Variants in LHCGR observed in about 807,000 individuals in gnomAD.
The protein encoded by LHCGR is luteinizing hormone/choriogonadotropin receptor, also known as lutropin-choriogonadotropic hormone receptor.
LHCGR carries 55 observed loss-of-function variants against 60.7 expected under a neutral mutation model. That is an observed-to-expected ratio of 0.91 (90% CI 0.73 to 1.13). The LOEUF (loss-of-function observed/expected upper bound fraction) is 1.13. Ranked by LOEUF, LHCGR falls within the 50% of genes most tolerant of loss-of-function variation. The pLI is 0.00. For missense variants in LHCGR, 862 were observed against 836.0 expected (o/e 1.03, Z -0.38); for synonymous variants, 337 against 316.5 (o/e 1.06, Z -0.69).
At chr2:48,753,893 T>C (rs1670091836) in intron 1 of LHCGR, among the ~76,000 whole-genome samples, 1 of 152,114 alleles carries the variant, frequency 6.6e-6, no homozygotes, top group South Asian at 2.1e-4. Context: ...AATTAATAGA[T>C]AAAATCCTGA....
chr2:48,717,833 C>CTTTTTTTT (rs10711529), intron 6 of LHCGR, among the ~76,000 whole-genome samples: 3 of 68,990 alleles, frequency 4.3e-5, no homozygotes, highest in Admixed American at 1.8e-4. Context: ...TTTTCCATGT[C>CTTTTTTTT]TTTTTTTTTT....
Position 48,687,620 on chromosome 2 carries a change from T to G in LHCGR, c.*77A>C. 2 of 1,208,608 alleles carry G rather than the reference T, an allele frequency of 1.7e-6. No individual in the cohort carries two copies. The highest frequency in any genetic ancestry group is 4.7e-5 in the East Asian group (2 of 42,914). 74.9% of individuals were successfully genotyped at this position (1,208,608 alleles called of 1,614,324 possible). A position where few individuals can be genotyped will look rare whatever the true frequency, so the allele number is the denominator to read the frequency against. Reference sequence around the variant, plus strand: ...ATAATTTCCTAAATCCAACCCTTTATGTTAAAATTACTGGTACAGGTAATT... The same window carrying G: ...ATAATTTCCTAAATCCAACCCTTTAGGTTAAAATTACTGGTACAGGTAATT... On this transcript the variant is annotated 3_prime_UTR_variant, in exon 11 of 11. Transcript: ENST00000294954.
intron 1 of LHCGR, among the ~76,000 whole-genome samples, chr2:48,748,458 G>A (rs1308093778): frequency 6.6e-6 from 1 of 152,170 alleles, no homozygotes; most frequent in African/African-American, 2.4e-5. Context: ...GGGCAGCTAA[G>A]TTTGGGCTGA....
rs997583552 is a variant in LHCGR at position 48,721,869 on chromosome 2, G to A, written c.536+1587C>T. 7 of 449,192 alleles carry A rather than the reference G, an allele frequency of 1.6e-5. No individual in the cohort carries two copies. In the Admixed American group the frequency reaches 1.8e-4, roughly 12 times the overall value. The allele number at this position is 449,192 out of a possible 1,614,324, so 27.8% of individuals were successfully genotyped here. The stretch of plus-strand genomic sequence containing the variant: ...CTGGGCTTTAGGTATAAAGAAATGA[G>A]GCCGGGGGGTGGTGACTCATGCCTG... On this transcript the variant is annotated intron_variant, in intron 6 of 10. Transcript: ENST00000294954.
intron 3 of LHCGR, among the ~76,000 whole-genome samples, 157 bp from the exon 4 acceptor site, chr2:48,725,907 A>G (rs1258868902): frequency 6.6e-6 from 1 of 152,180 alleles, no homozygotes; most frequent in Admixed American, 6.5e-5. Flanking sequence ...GACTCTGGGG[A>G]TGGAAATGGC....
At chr2:48,734,803 A>T (rs2103650021) in intron 1 of LHCGR, among the ~76,000 whole-genome samples, 1 of 152,346 alleles carries the variant, frequency 6.6e-6, no homozygotes, top group South Asian at 2.1e-4. Flanking sequence ...CAAAGAAAAT[A>T]AAGGAAGGAC....
chr2:48,744,715 A>C (rs1394588299), intron 1 of LHCGR, among the ~76,000 whole-genome samples: 1 of 146,390 alleles, frequency 6.8e-6, no homozygotes, highest in Non-Finnish European at 1.5e-5. Context: ...TAAAGACTTA[A>C]ACGTTAGACC....
chr2:48,709,127 G>C (rs1395415774), intron 7 of LHCGR, 105 bp from the exon 8 acceptor site: 1 of 864,676 alleles, frequency 1.2e-6, no homozygotes, highest in African/African-American at 1.6e-5. Flanking sequence ...GATGTATAGG[G>C]TTAAAAGGGG....
intron 3 of LHCGR, among the ~76,000 whole-genome samples, chr2:48,726,374 G>C (rs1020280587): frequency 2.0e-5 from 3 of 152,168 alleles, no homozygotes; most frequent in African/African-American, 7.2e-5. Context: ...ATATTACATA[G>C]TCTTCCTGCC....
intron 6 of LHCGR, among the ~76,000 whole-genome samples, chr2:48,718,228 C>T (rs534298227): frequency 4.6e-5 from 7 of 152,248 alleles, no homozygotes; most frequent in African/African-American, 1.7e-4. Context: ...ATAGCTGTAC[C>T]TAACTTTAAA....
At chr2:48,694,912 T>A (rs571003910) in intron 9 of LHCGR, among the ~76,000 whole-genome samples, 2 of 152,142 alleles carry the variant, frequency 1.3e-5, no homozygotes, top group Non-Finnish European at 2.9e-5. Flanking sequence ...TACCTAGAGA[T>A]GAAATTTAAG....
At chr2:48,739,801 T>G (rs2103675912) in intron 1 of LHCGR, among the ~76,000 whole-genome samples, 1 of 152,038 alleles carries the variant, frequency 6.6e-6, no homozygotes, top group South Asian at 2.1e-4. Flanking sequence ...ACCCTAAAAC[T>G]TAAAGTATAA....
intron 1 of LHCGR, among the ~76,000 whole-genome samples, chr2:48,752,254 A>T (rs1669987813): frequency 6.6e-6 from 1 of 152,218 alleles, no homozygotes; most frequent in Non-Finnish European, 1.5e-5. Context: ...GCTATAATCC[A>T]TGTACCTTGT....
intron 1 of LHCGR, among the ~76,000 whole-genome samples, chr2:48,751,048 G>A (rs1370770963): frequency 2.0e-5 from 3 of 152,136 alleles, no homozygotes; most frequent in African/African-American, 7.2e-5. Flanking sequence ...GGTGAGATAT[G>A]TACAAAAATA....
chr2:48,689,132 T>C (rs1680071736), intron 10 of LHCGR, among the ~76,000 whole-genome samples: 1 of 151,100 alleles, frequency 6.6e-6, no homozygotes, highest in African/African-American at 2.4e-5. Context: ...TACACATATA[T>C]ACATATGTAC....
At chr2:48,737,488 G>C (rs553665007) in intron 1 of LHCGR, among the ~76,000 whole-genome samples, 1 of 152,272 alleles carries the variant, frequency 6.6e-6, no homozygotes, top group South Asian at 2.1e-4. Flanking sequence ...TCTTTTCAAA[G>C]CTGCTCACAA....
chr2:48,741,565 C>G (rs1468298708), intron 1 of LHCGR, among the ~76,000 whole-genome samples: 2 of 151,670 alleles, frequency 1.3e-5, no homozygotes, highest in African/African-American at 4.8e-5. Flanking sequence ...GAATTTTCAA[C>G]CCAGAATTTC....
intron 10 of LHCGR, among the ~76,000 whole-genome samples, chr2:48,691,266 A>C (rs1558805619): frequency 6.6e-6 from 1 of 152,214 alleles, no homozygotes; most frequent in Admixed American, 6.5e-5. Context: ...GGAGGAGATA[A>C]TAAATTGGAA....
intron 1 of LHCGR, among the ~76,000 whole-genome samples, chr2:48,741,495 G>A (rs893996069): frequency 3.0e-4 from 45 of 152,088 alleles, no homozygotes; most frequent in Admixed American, 1.6e-3. Context: ...CAGATCTCTC[G>A]GCAGAAACTC....
Sources: gnomAD v4.1 joint callset for allele counts (sites outside exome capture counted in the v4.1 genomes callset) on GRCh38, gnomAD v4.1.1 for gene constraint, MANE v1.5 for transcripts, NCBI Gene and HGNC (gene_info 2026-07-23, HGNC 2026-07-21) for gene names.